KDM2B: variants seen among roughly 807,000 people sequenced by gnomAD.
The protein encoded by KDM2B is lysine-specific demethylase 2B.
A neutral mutation model predicts 150.0 loss-of-function variants in KDM2B; 26 were observed. The observed-to-expected ratio is 0.17, with a 90% confidence interval of 0.13 to 0.24. The LOEUF (loss-of-function observed/expected upper bound fraction) is 0.24. Ranked by LOEUF, KDM2B falls within the 10% of genes least tolerant of loss-of-function variation. The pLI, the probability that KDM2B is intolerant of heterozygous loss-of-function variation, is 1.00. For synonymous variants in KDM2B, 734 were observed against 729.5 expected (o/e 1.01, Z -0.10); for missense variants, 1,265 against 1,816.9 (o/e 0.70, Z 5.52).
intron 13 of KDM2B, among the ~76,000 whole-genome samples, chr12:121,447,046 TGCAACTAAACTTTAAA>T (rs1447607546): frequency 6.6e-6 from 1 of 152,102 alleles, no homozygotes; most frequent in African/African-American, 2.4e-5. Flanking sequence ...GACTCCACAT[TGCAACTAAACTTTAAA>T]AAAAACTGTT....
intron 12 of KDM2B, among the ~76,000 whole-genome samples, chr12:121,479,368 G>A (rs1845993900): frequency 6.6e-6 from 1 of 151,056 alleles, no homozygotes; most frequent in South Asian, 2.1e-4. Flanking sequence ...TCGGAAGGCT[G>A]AGGCAGGAGA....
At chr12:121,488,483 G>A (rs1883009819) in intron 12 of KDM2B, among the ~76,000 whole-genome samples, 1 of 152,184 alleles carries the variant, frequency 6.6e-6, no homozygotes, top group South Asian at 2.1e-4. Flanking sequence ...GTAAACTGAG[G>A]CTGAGACTTG....
intron 12 of KDM2B, among the ~76,000 whole-genome samples, chr12:121,489,672 T>A (rs1209084214): frequency 6.6e-6 from 1 of 152,164 alleles, no homozygotes; most frequent in Admixed American, 6.6e-5. Flanking sequence ...ACTCCTGGCC[T>A]CAAGTGATCC....
chr12:121,563,657 G>A (rs1488146527), intron 4 of KDM2B, among the ~76,000 whole-genome samples: 1 of 151,698 alleles, frequency 6.6e-6, no homozygotes, highest in South Asian at 2.1e-4. Flanking sequence ...AGTGGCTCAC[G>A]CCTGTAATCC....
intron 6 of KDM2B, 96 bp from the exon 7 acceptor site, chr12:121,534,686 A>G (rs1887947856): frequency 7.2e-6 from 6 of 836,460 alleles, no homozygotes; most frequent in Non-Finnish European, 1.2e-5. Context: ...GTGCCCTTTT[A>G]TAAACGCTGA....
At chr12:121,546,005 C>A (rs1889008377) in intron 6 of KDM2B, among the ~76,000 whole-genome samples, 1 of 152,204 alleles carries the variant, frequency 6.6e-6, no homozygotes, top group African/African-American at 2.4e-5. Context: ...CCTTCCCCGA[C>A]CACCTTGACT....
intron 22 of KDM2B, among the ~76,000 whole-genome samples, chr12:121,437,127 G>C (rs905266189): frequency 2.0e-5 from 3 of 152,026 alleles, no homozygotes; most frequent in African/African-American, 7.3e-5. Flanking sequence ...AGTGGGGCGG[G>C]CAGTCCCAGA....
At chr12:121,505,637 C>A (rs1291165141) in intron 11 of KDM2B, among the ~76,000 whole-genome samples, 1 of 152,148 alleles carries the variant, frequency 6.6e-6, no homozygotes, top group Non-Finnish European at 1.5e-5. Context: ...GAATTGGGGG[C>A]TGTCTCCAAT....
chr12:121,420,811 A>AT, the KDM2B span: 3,759 of 1,541,038 alleles, frequency 2.4e-3, 24 homozygotes, highest in Non-Finnish European at 2.4e-3. Flanking sequence ...TCCCTGTAGT[A>AT]TTTTTCCTTA....
chr12:121,512,192 T>C (rs1885646402), intron 10 of KDM2B, among the ~76,000 whole-genome samples: 1 of 152,086 alleles, frequency 6.6e-6, no homozygotes, highest in South Asian at 2.1e-4. Context: ...CCTTCTCTCC[T>C]ACCAGGCTGG....
chr12:121,542,031 T>C (rs1242169922), intron 6 of KDM2B, among the ~76,000 whole-genome samples: 1 of 152,194 alleles, frequency 6.6e-6, no homozygotes, highest in Non-Finnish European at 1.5e-5. Context: ...GAGTATGAGC[T>C]GGACTTAGTG....
In KDM2B at chr12:121,520,589, C is replaced by A. The variant is rs1886600011; in HGVS notation, c.1047+396G>T. Among the ~76,000 whole-genome samples the A allele has an allele frequency of 1.3e-5, 2 of 152,098 alleles. No homozygotes were observed. The highest frequency in any genetic ancestry group is 2.9e-5 in the Non-Finnish European group (2 of 68,030). On this transcript the variant is annotated intron_variant, in intron 9 of 22. Transcript: ENST00000377071. The surrounding 1 kb of genome is among the most constrained non-coding windows in gnomAD (Gnocchi z 4.5). Reference sequence around the variant, plus strand: ...ATATAGCCAAGACCTGACCTCAGACCAGGACAGGCCCTTCCAAGGTCCACA... The same window carrying A: ...ATATAGCCAAGACCTGACCTCAGACAAGGACAGGCCCTTCCAAGGTCCACA...
the KDM2B span, among the ~76,000 whole-genome samples, chr12:121,411,491 G>A: frequency 6.6e-6 from 1 of 152,140 alleles, no homozygotes; most frequent in Non-Finnish European, 1.5e-5. Flanking sequence ...AACATGGTTT[G>A]AAAAATTGTA....
At chr12:121,446,530 G>A (rs1206617593) in intron 13 of KDM2B, among the ~76,000 whole-genome samples, 3 of 152,184 alleles carry the variant, frequency 2.0e-5, no homozygotes, top group Admixed American at 6.5e-5. Flanking sequence ...AAAGTGCCTC[G>A]GCACACAGGT....
At chr12:121,511,516 C>T (rs540976532) in intron 10 of KDM2B, among the ~76,000 whole-genome samples, 1 of 152,060 alleles carries the variant, frequency 6.6e-6, no homozygotes, top group Non-Finnish European at 1.5e-5. Context: ...GAACTCCTGA[C>T]CTCAAGTGAT....
chr12:121,496,054 G>C (rs1318047527), intron 11 of KDM2B, among the ~76,000 whole-genome samples: 1 of 152,090 alleles, frequency 6.6e-6, no homozygotes, highest in East Asian at 1.9e-4. Flanking sequence ...ATGCTACCCA[G>C]CTGAATTATC....
chr12:121,551,713 C>T (rs193147177), intron 4 of KDM2B, among the ~76,000 whole-genome samples: 32 of 152,160 alleles, frequency 2.1e-4, no homozygotes, highest in African/African-American at 7.0e-4. Context: ...CCACCGCACC[C>T]GGCTCTTTTT....
chr12:121,550,842 T>C (rs926481395), intron 4 of KDM2B, among the ~76,000 whole-genome samples: 2 of 152,106 alleles, frequency 1.3e-5, no homozygotes, highest in Non-Finnish European at 2.9e-5. Flanking sequence ...GGGTTTTCCA[T>C]TTTTGTTAAC....
intron 12 of KDM2B, among the ~76,000 whole-genome samples, chr12:121,457,739 TACAC>T (rs138823282): frequency 0.32 from 46,247 of 144,910 alleles, 7,664 homozygotes; most frequent in Non-Finnish European, 0.37. Context: ...ATCGGAAACA[TACAC>T]ACACACACAC....
Sources: gnomAD v4.1 joint callset for allele counts (sites outside exome capture counted in the v4.1 genomes callset) on GRCh38, gnomAD v4.1.1 for gene constraint, Gnocchi (gnomAD v3.1) non-coding constraint, MANE v1.5 for transcripts, NCBI Gene and HGNC (gene_info 2026-07-23, HGNC 2026-07-21) for gene names.